The following RBM20 variants were observed in gnomAD, a reference collection of about 807,000 sequenced individuals.
RBM20 encodes RNA binding motif protein 20.
A neutral mutation model predicts 110.1 loss-of-function variants in RBM20; 51 were observed. The observed-to-expected ratio is 0.46, with a 90% CI of 0.37 to 0.59. The LOEUF (loss-of-function observed/expected upper bound fraction) is 0.59. RBM20 is among the 20% of genes least tolerant of loss of function. The pLI is 0.00. For missense variants in RBM20, 1,512 were observed against 1,574.9 expected, an observed-to-expected ratio of 0.96 and a Z score of 0.68; for synonymous variants, 589 against 618.2, an observed-to-expected ratio of 0.95 and a Z score of 0.70.
chr10:110,821,858 GC>G lies in RBM20; in HGVS notation c.3244del (p.Leu1082TrpfsTer22). 3 of 1,551,732 alleles carry G rather than the reference GC, an allele frequency of 1.9e-6. No homozygotes were observed. The highest frequency in any genetic ancestry group is 2.6e-6 in the Non-Finnish European group (3 of 1,147,004). ...GTPEDGACEG[S>X]PLEEKASPPI... Reference sequence around the variant, plus strand: ...CCCGAAGATGGGGCTTGTGAAGGCAGCCCCCTGGAGGAGAAAGCCAGCCCCC... The same window carrying G: ...CCCGAAGATGGGGCTTGTGAAGGCAGCCCCTGGAGGAGAAAGCCAGCCCCC... On this transcript the variant is annotated frameshift_variant, in exon 11 of 14. Coordinates refer to ENST00000369519, the MANE Select transcript of RBM20 (RefSeq NM_001134363.3). LOFTEE classifies it high-confidence loss of function.
At chr10:110,767,226 C>T (rs1844108752) in intron 1 of RBM20, among the ~76,000 whole-genome samples, 2 of 137,142 alleles carry the variant, frequency 1.5e-5, no homozygotes, top group South Asian at 2.4e-4. Context: ...GACCCCCCCA[C>T]CTCCCTCCCG....
chr10:110,811,018 G>A (rs1194677421), intron 8 of RBM20, among the ~76,000 whole-genome samples: 2 of 152,142 alleles, frequency 1.3e-5, no homozygotes, highest in Non-Finnish European at 2.9e-5. Context: ...TCTTCCAACC[G>A]AAGTTTGTGA....
Position 110,812,427 on chromosome 10 carries a change from A to C in RBM20, c.2030A>C (p.Glu677Ala). ...ADWGNGRDSW[E>A]HSPYARREEE... is the part of the protein sequence containing the mutation. Reference sequence around the variant, plus strand: ...TGGGGCAATGGCCGGGACTCCTGGGAGCACTCTCCCTATGCCAGGAGGGAG... The same window carrying C: ...TGGGGCAATGGCCGGGACTCCTGGGCGCACTCTCCCTATGCCAGGAGGGAG... Residue 677 changes from glutamate to alanine, a missense_variant, in exon 9 of 14, where the codon GAG (glutamate) becomes GCG (alanine). Transcript: ENST00000369519. 1.3e-6 allele frequency: 2 copies of C among 1,551,682 alleles called. No individual in the cohort carries two copies. Among genetic ancestry groups the C allele is most frequent in the Non-Finnish European group, 1.7e-6 (2 of 1,146,986 alleles).
chr10:110,767,452 C>T (rs1278814062), intron 1 of RBM20, among the ~76,000 whole-genome samples: 3 of 147,128 alleles, frequency 2.0e-5, no homozygotes, highest in Admixed American at 6.7e-5. Flanking sequence ...ACTTCCCAGA[C>T]GGGGTGGCTG....
chr10:110,654,907 T>G (rs186014465), intron 1 of RBM20, among the ~76,000 whole-genome samples: 119 of 152,348 alleles, frequency 7.8e-4, no homozygotes, highest in Non-Finnish European at 1.6e-3. Flanking sequence ...CAGCCACTAT[T>G]CTAAACAGTT....
Position 110,816,465 on chromosome 10 carries a change from C to A in RBM20, c.2550+3518C>A, listed in dbSNP as rs141433652. On this transcript the variant is annotated intron_variant, in intron 9 of 13. Coordinates refer to ENST00000369519, the MANE Select transcript of RBM20 (RefSeq NM_001134363.3). ...CCCAACCTGCTCCCCTCCCTCTCGT[C>A]ACTGCAGACCATCTCAATACCCCAA... is the stretch of plus-strand genomic sequence containing the variant. Among the ~76,000 whole-genome samples, 11 of 151,764 alleles carry A rather than the reference C, an allele frequency of 7.2e-5. No individual in the cohort carries two copies. In the East Asian group the frequency reaches 2.1e-3, roughly 29 times the overall value.
intron 1 of RBM20, among the ~76,000 whole-genome samples, chr10:110,685,191 G>A (rs1862484917): frequency 6.6e-6 from 1 of 152,188 alleles, no homozygotes; most frequent in African/African-American, 2.4e-5. Flanking sequence ...TCTTGTCCTT[G>A]GCGGGCCTGT....
At chr10:110,822,084 C>T in intron 11 of RBM20, 149 bp downstream of exon 11, 1 of 834,502 alleles carries the variant, frequency 1.2e-6, no homozygotes, top group Non-Finnish European at 1.9e-6. Context: ...GCAACAAAGG[C>T]AAGCCTCTAA....
intron 13 of RBM20, among the ~76,000 whole-genome samples, chr10:110,835,016 C>T (rs917330804): frequency 5.9e-5 from 9 of 152,188 alleles, no homozygotes; most frequent in Non-Finnish European, 1.2e-4. Context: ...CTCCAAGGCT[C>T]CCCACCCACT....
intron 7 of RBM20, among the ~76,000 whole-genome samples, chr10:110,806,267 CA>C (rs34718509): frequency 1.4e-3 from 184 of 127,870 alleles, no homozygotes; most frequent in Admixed American, 1.2e-3. Context: ...GACTCCGTCT[CA>C]AAAAAAAAAA....
At chr10:110,825,160 G>T (rs1844968020) in intron 12 of RBM20, among the ~76,000 whole-genome samples, 1 of 152,060 alleles carries the variant, frequency 6.6e-6, no homozygotes, top group African/African-American at 2.4e-5. Context: ...GGGTATTTTA[G>T]CTCTAGAAAA....
intron 1 of RBM20, among the ~76,000 whole-genome samples, chr10:110,758,806 A>G (rs1434402547): frequency 1.3e-5 from 2 of 152,234 alleles, no homozygotes; most frequent in Non-Finnish European, 2.9e-5. Context: ...TGAACAGTGC[A>G]GATGAGGGGA....
chr10:110,803,013 G>T (rs565197001), intron 7 of RBM20, among the ~76,000 whole-genome samples: 1 of 152,110 alleles, frequency 6.6e-6, no homozygotes, highest in Non-Finnish European at 1.5e-5. Flanking sequence ...TTTCAGTCTC[G>T]TAATCACTGT....
intron 5 of RBM20, among the ~76,000 whole-genome samples, chr10:110,789,331 A>G (rs1043649039): frequency 5.9e-5 from 9 of 152,160 alleles, no homozygotes; most frequent in Non-Finnish European, 1.0e-4. Flanking sequence ...TTCTGGGGAC[A>G]GACTTGGCTG....
At chr10:110,660,471 A>G (rs988904824) in intron 1 of RBM20, among the ~76,000 whole-genome samples, 2 of 152,200 alleles carry the variant, frequency 1.3e-5, no homozygotes, top group African/African-American at 4.8e-5. Flanking sequence ...ACGAGGCCAC[A>G]CAGCAGGAGG....
chr10:110,829,180 G>A (rs143878337), intron 12 of RBM20, among the ~76,000 whole-genome samples: 3 of 152,280 alleles, frequency 2.0e-5, no homozygotes, highest in East Asian at 1.9e-4. Flanking sequence ...CGGGGGTCTC[G>A]GCTCCCTGCA....
intron 10 of RBM20, among the ~76,000 whole-genome samples, chr10:110,820,700 G>GC: frequency 6.6e-6 from 1 of 152,378 alleles, no homozygotes; most frequent in South Asian, 2.1e-4. Flanking sequence ...CCATCTTCGT[G>GC]CCTTTCCGGT....
intron 5 of RBM20, among the ~76,000 whole-genome samples, chr10:110,786,597 G>T (rs1315214119): frequency 6.6e-6 from 1 of 152,236 alleles, no homozygotes; most frequent in Non-Finnish European, 1.5e-5. Flanking sequence ...TCTGCACTCT[G>T]CTCGCTCAGA....
chr10:110,744,809 T>C (rs1297426354), intron 1 of RBM20, among the ~76,000 whole-genome samples: 1 of 152,218 alleles, frequency 6.6e-6, no homozygotes, highest in Non-Finnish European at 1.5e-5. Flanking sequence ...GACTCAGTTA[T>C]ATTTCGAACA....
Sources: gnomAD v4.1 joint callset for allele counts (sites outside exome capture counted in the v4.1 genomes callset) on GRCh38, gnomAD v4.1.1 for gene constraint, MANE v1.5 for transcripts, NCBI Gene and HGNC (gene_info 2026-07-23, HGNC 2026-07-21) for gene names.